LCA5: variants seen among roughly 807,000 people sequenced by gnomAD.
The protein encoded by LCA5 is lebercilin.
A neutral mutation model predicts 53.0 loss-of-function variants in LCA5; 37 were observed. That is an observed-to-expected ratio of 0.70 (90% CI 0.54 to 0.92). The LOEUF (loss-of-function observed/expected upper bound fraction) is 0.92, where lower values mean the gene tolerates loss of function less well. Ranked by LOEUF, LCA5 falls within the 40% of genes least tolerant of loss-of-function variation. LCA5 has a pLI of 0.00. For missense variants in LCA5, 806 were observed against 790.5 expected, an observed-to-expected ratio of 1.02 and a Z score of -0.23; for synonymous variants, 303 against 282.9, an observed-to-expected ratio of 1.07 and a Z score of -0.71.
intron 3 of LCA5, among the ~76,000 whole-genome samples, chr6:79,506,553 C>T (rs1770277473): frequency 6.6e-6 from 1 of 152,154 alleles, no homozygotes; most frequent in Non-Finnish European, 1.5e-5. Context: ...CTTTCACCCC[C>T]TATTTGAAGC....
At chr6:79,516,371 A>G (rs779678771) in intron 2 of LCA5, among the ~76,000 whole-genome samples, 3 of 151,976 alleles carry the variant, frequency 2.0e-5, no homozygotes, top group African/African-American at 4.8e-5. Flanking sequence ...ATTATGTATA[A>G]AGATGAATGT....
chr6:79,490,076 T>A (rs1217809632), intron 6 of LCA5, among the ~76,000 whole-genome samples: 1 of 152,052 alleles, frequency 6.6e-6, no homozygotes, highest in Non-Finnish European at 1.5e-5. Context: ...AGGGGGTGAC[T>A]ACCATGAAAC....
intron 3 of LCA5, among the ~76,000 whole-genome samples, chr6:79,512,323 GA>G (rs919497161): frequency 6.6e-6 from 1 of 151,958 alleles, no homozygotes; most frequent in Non-Finnish European, 1.5e-5. Context: ...AATTTTGGAG[GA>G]AAAAAATAGC....
chr6:79,493,462 C>T (rs1274105050), intron 4 of LCA5, 151 bp downstream of exon 4: 1 of 751,920 alleles, frequency 1.3e-6, no homozygotes, highest in Non-Finnish European at 2.1e-6. Context: ...ATTATACCAA[C>T]AAACCTTTTC....
intron 3 of LCA5, among the ~76,000 whole-genome samples, chr6:79,503,677 T>G (rs569477916): frequency 7.9e-5 from 12 of 152,332 alleles, no homozygotes; most frequent in African/African-American, 2.4e-4. Flanking sequence ...TCCCTAACCC[T>G]ATTTACGATC....
chr6:79,529,508 A>C (rs1237636650), intron 1 of LCA5, among the ~76,000 whole-genome samples: 1 of 152,142 alleles, frequency 6.6e-6, no homozygotes, highest in Non-Finnish European at 1.5e-5. Flanking sequence ...TCGAAATTTA[A>C]GAGAGGAAGG....
At chr6:79,498,528 T>C (rs1316038149) in intron 3 of LCA5, among the ~76,000 whole-genome samples, 1 of 152,062 alleles carries the variant, frequency 6.6e-6, no homozygotes, top group African/African-American at 2.4e-5. Flanking sequence ...AGTAAAATTA[T>C]CATTGAAGAG....
intron 3 of LCA5, among the ~76,000 whole-genome samples, chr6:79,505,540 G>A (rs115119007): frequency 0.01 from 1,523 of 152,222 alleles, 26 homozygotes; most frequent in African/African-American, 0.034. Flanking sequence ...ATTTCAGAAC[G>A]GAATGTCACC....
intron 5 of LCA5, 68 bp downstream of exon 5, chr6:79,492,483 C>A: frequency 1.4e-6 from 1 of 703,114 alleles, no homozygotes. Context: ...CCTTCCATTT[C>A]AGAATTATTG....
chr6:79,528,935 A>G (rs1390709814), intron 1 of LCA5, among the ~76,000 whole-genome samples: 2 of 152,212 alleles, frequency 1.3e-5, no homozygotes, highest in Admixed American at 6.5e-5. Context: ...AAAACTTTAC[A>G]AGGACTAACA....
At chr6:79,503,759 G>A (rs1213609431) in intron 3 of LCA5, among the ~76,000 whole-genome samples, 1 of 152,196 alleles carries the variant, frequency 6.6e-6, no homozygotes, top group East Asian at 1.9e-4. Context: ...TCATAAAGCT[G>A]GAATGGTGTA....
intron 1 of LCA5, among the ~76,000 whole-genome samples, chr6:79,536,276 C>T (rs1767116428): frequency 6.6e-6 from 1 of 152,130 alleles, no homozygotes. Flanking sequence ...CTGGAAACAT[C>T]GGTTTTACCA....
chr6:79,513,284 A>G lies in LCA5; in HGVS notation c.648T>C (p.Pro216=). Residue 216 remains proline (P), a synonymous_variant, in exon 3 of 8, where the codon CCT becomes CCC. Coordinates refer to ENST00000369846, the MANE Select transcript of LCA5 (RefSeq NM_001122769.3). ...GTTTCTTTGCCAAATCATCTCGTTC[A>G]GGTAGGTGTCTAGCTTCAGAGATCT... ...LKEISEARHL[P]ERDDLAKKLV... 6.2e-7 allele frequency: 1 copy of G among 1,613,672 alleles called. No homozygotes were observed. The highest frequency in any genetic ancestry group is 8.5e-7 in the Non-Finnish European group (1 of 1,179,718).
At chr6:79,528,227 T>A (rs1206903541) in intron 1 of LCA5, among the ~76,000 whole-genome samples, 1 of 151,920 alleles carries the variant, frequency 6.6e-6, no homozygotes, top group Non-Finnish European at 1.5e-5. Flanking sequence ...ATTGCGGAGG[T>A]CAAATCCCAG....
At chr6:79,530,111 T>A (rs772962212) in intron 1 of LCA5, among the ~76,000 whole-genome samples, 2 of 151,788 alleles carry the variant, frequency 1.3e-5, no homozygotes, top group African/African-American at 2.4e-5. Flanking sequence ...ATAATAAAAA[T>A]ATATATATAT....
chr6:79,532,274 C>T (rs901917943), intron 1 of LCA5, among the ~76,000 whole-genome samples: 1 of 152,170 alleles, frequency 6.6e-6, no homozygotes, highest in Non-Finnish European at 1.5e-5. Context: ...TAGTCCACAT[C>T]CATGTTTCCT....
Position 79,485,202 on chromosome 6 carries a change from T to C in LCA5, c.*1802A>G, listed in dbSNP as rs1162003484. 6.6e-6 allele frequency: 1 copy of C among 152,590 alleles called. No homozygotes were observed. The highest frequency in any genetic ancestry group is 1.5e-5 in the Non-Finnish European group (1 of 67,998). The allele number at this position is 152,590 out of a possible 1,614,324, so 9.5% of individuals were successfully genotyped here. On this transcript the variant is annotated 3_prime_UTR_variant, in exon 8 of 8. Transcript: ENST00000369846. ...TTAATAATTCTGTCTTGTTGCATCTTGTTAAAGAGATTATCAGGTAGAAAA... is the reference window on the plus strand; with the variant it reads ...TTAATAATTCTGTCTTGTTGCATCTCGTTAAAGAGATTATCAGGTAGAAAA...
chr6:79,524,722 C>T (rs530589545), intron 1 of LCA5, among the ~76,000 whole-genome samples: 7 of 151,850 alleles, frequency 4.6e-5, no homozygotes, highest in South Asian at 2.1e-4. Context: ...TTCCTTTTTT[C>T]GCTCCCTAGG....
intron 3 of LCA5, among the ~76,000 whole-genome samples, chr6:79,507,308 G>A (rs555691435): frequency 2.6e-5 from 4 of 152,142 alleles, no homozygotes; most frequent in South Asian, 4.2e-4. Context: ...AACATATAAT[G>A]AGCTGCTTAT....
Sources: allele counts gnomAD v4.1 joint callset (sites outside exome capture counted in the v4.1 genomes callset), GRCh38; gene constraint gnomAD v4.1.1; transcripts MANE v1.5; gene names NCBI Gene and HGNC (gene_info 2026-07-23, HGNC 2026-07-21).